The following AOAH variants were observed in gnomAD, a reference collection of about 807,000 sequenced individuals.
The protein encoded by AOAH is acyloxyacyl hydrolase (neutrophil).
AOAH carries 64 observed loss-of-function variants against 92.2 expected under a neutral mutation model. That is an observed-to-expected ratio of 0.69 (90% CI 0.57 to 0.86). AOAH has a LOEUF of 0.86. Ranked by LOEUF, AOAH falls within the 40% of genes least tolerant of loss-of-function variation. The pLI, the probability that AOAH is intolerant of heterozygous loss-of-function variation, is 0.00. For missense variants in AOAH, 656 were observed against 694.6 expected (o/e 0.94, Z 0.62); for synonymous variants, 263 against 254.5 (o/e 1.03, Z -0.32).
chr7:36,537,710 G>T (rs530694317), intron 16 of AOAH, among the ~76,000 whole-genome samples: 237 of 152,038 alleles, frequency 1.6e-3, no homozygotes, highest in African/African-American at 5.1e-3. Flanking sequence ...TTTAGCAGAG[G>T]CAGGGTTTCA....
At chr7:36,581,668 G>A (rs1788939154) in intron 12 of AOAH, among the ~76,000 whole-genome samples, 1 of 152,078 alleles carries the variant, frequency 6.6e-6, no homozygotes, top group Admixed American at 6.5e-5. Flanking sequence ...CCAAAATATT[G>A]TTTTGCTCAT....
At position 36,513,057 on chromosome 7, in the gene AOAH, A is replaced by C; in HGVS notation, c.*195T>G. 3.2e-6 allele frequency: 5 copies of C among 1,544,770 alleles called. No individual in the cohort carries two copies. The highest frequency in any genetic ancestry group is 4.3e-6 in the Non-Finnish European group (5 of 1,150,994). On this transcript the variant is annotated 3_prime_UTR_variant, in exon 21 of 21. Coordinates refer to ENST00000617537, the MANE Select transcript of AOAH (RefSeq NM_001637.4). ...TTATTTCAGGAACAGCGGAAGGGTT[A>C]CTGATCCCGGGAGCACACAGCATTG...
intron 13 of AOAH, among the ~76,000 whole-genome samples, chr7:36,566,400 G>C (rs546410090): frequency 9.5e-5 from 14 of 148,104 alleles, no homozygotes; most frequent in African/African-American, 3.2e-4. Flanking sequence ...TTTCAAGAAG[G>C]CCACTTTTGA....
At chr7:36,610,005 C>T (rs149034200) in intron 11 of AOAH, among the ~76,000 whole-genome samples, 9 of 152,168 alleles carry the variant, frequency 5.9e-5, no homozygotes, top group East Asian at 1.9e-4. Flanking sequence ...GAGCTCAACA[C>T]ACCTCATGGC....
intron 19 of AOAH, among the ~76,000 whole-genome samples, chr7:36,527,162 A>C (rs948924653): frequency 1.4e-4 from 21 of 152,206 alleles, no homozygotes; most frequent in Non-Finnish European, 2.9e-4. Context: ...AGAGACAGAA[A>C]GTCTTTGGAG....
intron 11 of AOAH, among the ~76,000 whole-genome samples, chr7:36,599,115 G>T (rs1204397175): frequency 1.3e-5 from 2 of 152,108 alleles, no homozygotes; most frequent in East Asian, 3.8e-4. Flanking sequence ...CAGCATAGTT[G>T]GCACATGTTT....
chr7:36,531,353 A>C (rs1207253984), intron 18 of AOAH, among the ~76,000 whole-genome samples: 1 of 151,818 alleles, frequency 6.6e-6, no homozygotes, highest in Non-Finnish European at 1.5e-5. Context: ...CTGTTTGTTC[A>C]TTTTTGTTTT....
intron 13 of AOAH, among the ~76,000 whole-genome samples, chr7:36,573,287 C>T (rs11973927): frequency 0.1 from 15,332 of 152,112 alleles, 912 homozygotes; most frequent in African/African-American, 0.17. Context: ...ATTTTGGTAT[C>T]GAGGAAGTTC....
intron 13 of AOAH, among the ~76,000 whole-genome samples, chr7:36,564,822 C>T (rs1787569074): frequency 6.6e-6 from 1 of 152,194 alleles, no homozygotes. Context: ...CACTGTCATG[C>T]CTTGCTCCTA....
rs1404562006 is a variant in AOAH at position 36,724,150 on chromosome 7, TC to T, written c.-3del. 6.2e-7 allele frequency: 1 copy of T among 1,612,906 alleles called. No homozygotes were observed. The highest frequency in any genetic ancestry group is 2.2e-5 in the East Asian group (1 of 44,800). On this transcript the variant is annotated 5_prime_UTR_variant, in exon 1 of 21. Coordinates refer to ENST00000617537, the MANE Select transcript of AOAH (RefSeq NM_001637.4). ...AAGGATTTTCCAGGGGGACTGCATC[TC>T]CGAGCTATGCACCCCAAGTGATCAC...
At chr7:36,558,747 G>A (rs978045340) in intron 13 of AOAH, among the ~76,000 whole-genome samples, 4 of 152,254 alleles carry the variant, frequency 2.6e-5, no homozygotes, top group Non-Finnish European at 1.5e-5. Context: ...CTAGCAATCA[G>A]CGAGACTCCG....
chr7:36,608,906 G>A lies in AOAH; in HGVS notation c.846+7474C>T, dbSNP rs561827538. Among the ~76,000 whole-genome samples, 37 of 112,702 alleles carry A rather than the reference G, an allele frequency of 3.3e-4. 1 individual carries two copies. Among genetic ancestry groups the A allele is most frequent in the African/African-American group, 1.1e-3 (26 of 23,106 alleles). 73.9% of individuals were successfully genotyped at this position (112,702 alleles called of 152,430 possible). A position where few individuals can be genotyped will look rare whatever the true frequency, so the allele number is the denominator to read the frequency against. ...TATTAATATTAGGAGCTGTTGCGGC[G>A]GGGAGGGGGGGGGGTCTGGTACAAA... On this transcript the variant is annotated intron_variant, in intron 11 of 20. Transcript: ENST00000617537.
rs574835492 is a variant in AOAH at position 36,658,029 on chromosome 7, C to T, written c.390+1137G>A. On this transcript the variant is annotated intron_variant, in intron 4 of 20. Transcript: ENST00000617537. The stretch of plus-strand genomic sequence containing the variant: ...TTATGATATTATGATACAATAGTCA[C>T]ACGCTATTTGAACACATGAAAAGTT... 3.1e-3 allele frequency among the ~76,000 whole-genome samples: 476 copies of T among 152,120 alleles called. 5 individuals are homozygous for T. Among genetic ancestry groups the T allele is most frequent in the African/African-American group, 0.011 (457 of 41,454 alleles).
At chr7:36,539,403 CTG>C (rs930436838) in intron 16 of AOAH, among the ~76,000 whole-genome samples, 1 of 152,196 alleles carries the variant, frequency 6.6e-6, no homozygotes, top group African/African-American at 2.4e-5. Flanking sequence ...TCAGGGAAGA[CTG>C]AGGCCAGCTC....
chr7:36,650,613 G>A (rs1475050632), intron 4 of AOAH, among the ~76,000 whole-genome samples: 3 of 152,142 alleles, frequency 2.0e-5, no homozygotes, highest in Admixed American at 2.0e-4. Context: ...AGGCGCCCTG[G>A]GATGAACCCT....
chr7:36,517,669 C>T (rs1333012517), intron 20 of AOAH, among the ~76,000 whole-genome samples: 1 of 136,074 alleles, frequency 7.3e-6, no homozygotes, highest in African/African-American at 2.7e-5. Context: ...GGCGTGATCT[C>T]GGCTCACTGT....
chr7:36,665,788 C>A (rs889380898), intron 3 of AOAH, among the ~76,000 whole-genome samples: 2 of 151,884 alleles, frequency 1.3e-5, no homozygotes, highest in Non-Finnish European at 2.9e-5. Flanking sequence ...AATGCTTTTT[C>A]TGTGTCTATT....
intron 1 of AOAH, among the ~76,000 whole-genome samples, chr7:36,694,554 CT>C (rs535543026): frequency 1.4e-3 from 218 of 152,234 alleles, no homozygotes; most frequent in African/African-American, 5.1e-3. Flanking sequence ...TTTCAATACA[CT>C]TTTGTCTATA....
intron 13 of AOAH, among the ~76,000 whole-genome samples, chr7:36,551,651 A>G (rs1221838822): frequency 2.0e-5 from 3 of 152,212 alleles, no homozygotes; most frequent in Non-Finnish European, 4.4e-5. Context: ...TTTACTCAGT[A>G]TAATGTCCTC....
Sources: allele counts gnomAD v4.1 joint callset (sites outside exome capture counted in the v4.1 genomes callset), GRCh38; gene constraint gnomAD v4.1.1; transcripts MANE v1.5; gene names NCBI Gene and HGNC (gene_info 2026-07-23, HGNC 2026-07-21).